The following PDPK1 variants were observed in gnomAD, a reference collection of about 807,000 sequenced individuals.
The protein encoded by PDPK1 is 3-phosphoinositide dependent protein kinase 1, also known as 3-phosphoinositide-dependent protein kinase 1.
Under a neutral mutation model 39.8 loss-of-function variants are expected in PDPK1, and 7 were observed. That is an observed-to-expected ratio of 0.18 (90% CI 0.10 to 0.33). The LOEUF (loss-of-function observed/expected upper bound fraction) is 0.33. PDPK1 is among the 10% of genes least tolerant of loss of function. PDPK1 has a pLI of 1.00. For missense variants in PDPK1, 182 were observed against 384.7 expected, an observed-to-expected ratio of 0.47 and a Z score of 4.41; for synonymous variants, 118 against 159.1, an observed-to-expected ratio of 0.74 and a Z score of 1.95.
In PDPK1 at chr16:2,597,683, C is replaced by T. The variant is rs147843249; in HGVS notation, c.1587C>T (p.Ser529=). Residue 529 remains serine (S), a synonymous_variant, in exon 14 of 14, where the codon AGC becomes AGT. Transcript: ENST00000342085. This position sits in a 1 kb window ranked among gnomAD's most constrained non-coding sequence, Gnocchi z 6.3. The part of the protein sequence containing the change: ...PNRTYYLMDP[S]GNAHKWCRKI... ...GGACGTATTATCTGATGGACCCCAG[C>T]GGGAACGCACACAAGTGGTGCAGGA... is the stretch of plus-strand genomic sequence containing the variant. 4.1e-5 allele frequency: 66 copies of T among 1,613,644 alleles called. No individual in the cohort carries two copies. The highest frequency in any genetic ancestry group is 4.0e-4 in the African/African-American group (30 of 74,934).
intron 10 of PDPK1, among the ~76,000 whole-genome samples, chr16:2,586,272 C>G (rs2066873141): frequency 1.3e-5 from 2 of 152,258 alleles, no homozygotes; most frequent in African/African-American, 2.4e-5. Flanking sequence ...CACGGAGGCC[C>G]TGTCTGCCAG....
Position 2,595,184 on chromosome 16 carries a change from A to G in PDPK1, c.1344-609A>G, listed in dbSNP as rs559413810. Among the ~76,000 whole-genome samples, 5 of 152,330 alleles carry G rather than the reference A, an allele frequency of 3.3e-5. No homozygotes were observed. In the East Asian group the frequency reaches 7.7e-4, roughly 23 times the overall value. ...AGTGACGTGTGCTTGCTAATAATGT[A>G]TATTAAATTAAAGCCTCTATGTGAA... is the stretch of plus-strand genomic sequence containing the variant. On this transcript the variant is annotated intron_variant, in intron 11 of 13. Transcript: ENST00000342085.
At position 2,557,915 on chromosome 16, in the gene PDPK1, T is replaced by G; in HGVS notation, c.237T>G (p.Pro79=). ...CGCCGCAGCCTCGGAAGAAGCGGCC[T>G]GAGGACTTCAAGTTTGGGAAAATCC... The part of the protein sequence containing the change: ...QPPPQPRKKR[P]EDFKFGKILG... Residue 79 remains proline, a synonymous_variant, in exon 2 of 14, where the codon CCT becomes CCG. Coordinates refer to ENST00000342085, the MANE Select transcript of PDPK1 (RefSeq NM_002613.5). 6.2e-7 allele frequency: 1 copy of G among 1,612,304 alleles called. No homozygotes were observed. Among genetic ancestry groups the G allele is most frequent in the Non-Finnish European group, 8.5e-7 (1 of 1,179,732 alleles).
intron 11 of PDPK1, chr16:2,592,584 A>C (rs1294735711): frequency 2.8e-6 from 1 of 355,886 alleles, no homozygotes; most frequent in Non-Finnish European, 5.5e-6. Flanking sequence ...CTGAGACAGG[A>C]GAATCGCTTG....
Position 2,599,448 on chromosome 16 carries a change from C to T in PDPK1, c.*1681C>T, listed in dbSNP as rs2067169293. 4.3e-6 allele frequency: 1 copy of T among 233,206 alleles called. No individual in the cohort carries two copies. The highest frequency in any genetic ancestry group is 2.2e-5 in the African/African-American group (1 of 45,454). 14.4% of individuals were successfully genotyped at this position (233,206 alleles called of 1,614,324 possible). On this transcript the variant is annotated 3_prime_UTR_variant, in exon 14 of 14. Coordinates refer to ENST00000342085, the MANE Select transcript of PDPK1 (RefSeq NM_002613.5). ...GGCCTGGGAGGGGGCAGAGATGTTC[C>T]CCAGGCCCTGCCTGTGGTTCCTGCC...
At chr16:2,547,173 G>C (rs1489753460) in intron 1 of PDPK1, among the ~76,000 whole-genome samples, 1 of 150,008 alleles carries the variant, frequency 6.7e-6, no homozygotes, top group Non-Finnish European at 1.5e-5. Context: ...TAGTGAGCAG[G>C]CTCCCAACTT....
rs2067163804 is a variant in PDPK1, at chr16:2,599,208, C to A, written c.*1441C>A. ...CCCTGCCCAGGTTGTCCCTGGAGGG[C>A]AGCCCTCACTCCCTTTGGGGGAGAG... On this transcript the variant is annotated 3_prime_UTR_variant, in exon 14 of 14. Coordinates refer to ENST00000342085, the MANE Select transcript of PDPK1 (RefSeq NM_002613.5). The A allele has an allele frequency of 2.1e-5, 5 of 233,288 alleles. No homozygotes were observed. The highest frequency in any genetic ancestry group is 4.2e-5 in the Non-Finnish European group (5 of 118,136). The allele number at this position is 233,288 out of a possible 1,614,324, so 14.5% of individuals were successfully genotyped here.
Position 2,595,803 on chromosome 16 carries a change from G to A in PDPK1, c.1354G>A (p.Val452Ile). 2 of 1,613,062 alleles carry A rather than the reference G, an allele frequency of 1.2e-6. No individual in the cohort carries two copies. The highest frequency in any genetic ancestry group is 2.7e-5 in the African/African-American group (2 of 75,030). The change falls in exon 12 of 14, where the codon GTA (valine) becomes ATA (isoleucine). Residue 452 changes from valine to isoleucine, a missense_variant. Around this residue, in one of 5 missense-constraint regions of PDPK1, gnomAD observed 90 missense variants for 111.9 expected, o/e 0.80. Transcript: ENST00000342085. Reference protein sequence around the residue: ...QAGGNPWHQFVENNLILKMGP... With the variant: ...QAGGNPWHQFIENNLILKMGP... ...TGTTTCTTTCCACAGGCACCAGTTTGTAGAAAATAATTTAATACTAAAGAT... is the reference window on the plus strand; with the variant it reads ...TGTTTCTTTCCACAGGCACCAGTTTATAGAAAATAATTTAATACTAAAGAT...
chr16:2,599,659 G>C lies in PDPK1; in HGVS notation c.*1892G>C, dbSNP rs2067174862. On this transcript the variant is annotated 3_prime_UTR_variant, in exon 14 of 14. Coordinates refer to ENST00000342085, the MANE Select transcript of PDPK1 (RefSeq NM_002613.5). ...TCCTGGCTTTTGGAAAGGCTTGGCTGTGTTGGGGAGTCTCTCTTAGCCCTT... is the reference window on the plus strand; with the variant it reads ...TCCTGGCTTTTGGAAAGGCTTGGCTCTGTTGGGGAGTCTCTCTTAGCCCTT... 1 of 233,114 alleles carries C rather than the reference G, an allele frequency of 4.3e-6. No homozygotes were observed. Among genetic ancestry groups the C allele is most frequent in the African/African-American group, 2.2e-5 (1 of 45,360 alleles). The allele number at this position is 233,114 out of a possible 1,614,324, so 14.4% of individuals were successfully genotyped here.
intron 1 of PDPK1, among the ~76,000 whole-genome samples, chr16:2,540,813 G>T (rs1233870492): frequency 1.3e-5 from 2 of 152,198 alleles, no homozygotes; most frequent in Non-Finnish European, 2.9e-5. Flanking sequence ...TTGGAACAAA[G>T]AAACATGTAA....
chr16:2,546,630 T>G (rs1239212210), intron 1 of PDPK1, among the ~76,000 whole-genome samples: 2 of 152,182 alleles, frequency 1.3e-5, no homozygotes, highest in African/African-American at 2.4e-5. Flanking sequence ...GTGCCCGGCC[T>G]TCCTTAGTGG....
Position 2,598,074 on chromosome 16 carries a change from A to C in PDPK1, c.*307A>C. The C allele has an allele frequency of 2.2e-6, 1 of 450,722 alleles. No individual in the cohort carries two copies. Among genetic ancestry groups the C allele is most frequent in the Non-Finnish European group, 4.0e-6 (1 of 248,312 alleles). The allele number at this position is 450,722 out of a possible 1,614,324, so 27.9% of individuals were successfully genotyped here. On this transcript the variant is annotated 3_prime_UTR_variant, in exon 14 of 14. Transcript: ENST00000342085. ...CATGCACGTCAACCCAGTCCCGCCC[A>C]GACTAGTGGACAGACCTGGTGTCAC...
rs202058190 is a variant in PDPK1 at position 2,542,306 on chromosome 16, C to T, written c.24+4170C>T. On this transcript the variant is annotated intron_variant, in intron 1 of 13. Transcript: ENST00000342085. ...TCCCAAGTAGCTGGGATTACAGGTG[C>T]GCACCACCTACATTATTTATTTATT... Among the ~76,000 whole-genome samples, 116 of 152,142 alleles carry T rather than the reference C, an allele frequency of 7.6e-4. 4 individuals carry two copies. The East Asian group carries it at 0.016, about 21-fold the overall frequency.
intron 1 of PDPK1, among the ~76,000 whole-genome samples, chr16:2,552,262 G>C (rs948010818): frequency 8.0e-5 from 12 of 150,132 alleles, no homozygotes; most frequent in Non-Finnish European, 1.6e-4. Flanking sequence ...ATGAGCCACT[G>C]CACCCTGCCT....
In PDPK1 at chr16:2,577,550, T is replaced by G. The variant is rs749142694; in HGVS notation, c.785+50T>G. Reference sequence around the variant, plus strand: ...CTTCCCTTTTCTTTAACACAGAAATTAATATTTGAGAGAGTGAATTTGGTG... The same window carrying G: ...CTTCCCTTTTCTTTAACACAGAAATGAATATTTGAGAGAGTGAATTTGGTG... On this transcript the variant is annotated intron_variant, in intron 7 of 13. Transcript: ENST00000342085. 41 of 1,354,996 alleles carry G rather than the reference T, an allele frequency of 3.0e-5. 2 individuals are homozygous for G. The South Asian group carries it at 5.0e-4, about 16-fold the overall frequency. The allele number at this position is 1,354,996 out of a possible 1,614,324, so 83.9% of individuals were successfully genotyped here.
At chr16:2,551,688 C>T (rs1477255194) in intron 1 of PDPK1, among the ~76,000 whole-genome samples, 16 of 132,720 alleles carry the variant, frequency 1.2e-4, no homozygotes, top group Admixed American at 1.1e-3. Context: ...TGTTTTTAGA[C>T]GGAGTTTCGC....
intron 10 of PDPK1, among the ~76,000 whole-genome samples, chr16:2,584,885 T>A (rs997678153): frequency 1.3e-5 from 2 of 152,200 alleles, no homozygotes; most frequent in Non-Finnish European, 2.9e-5. Context: ...CTCGAGGCCC[T>A]TGCCCCCACC....
At chr16:2,585,532 G>A (rs1296882620) in intron 10 of PDPK1, among the ~76,000 whole-genome samples, 2 of 152,240 alleles carry the variant, frequency 1.3e-5, no homozygotes, top group Non-Finnish European at 2.9e-5. Context: ...GCCAAGGCAG[G>A]AGAGCAGGTG....
intron 10 of PDPK1, among the ~76,000 whole-genome samples, chr16:2,584,788 A>ACT (rs2066829283): frequency 6.6e-6 from 1 of 151,676 alleles, no homozygotes; most frequent in Non-Finnish European, 1.5e-5. Context: ...TTGAGCCCAA[A>ACT]CTCTAAGGGA....
Sources: allele counts gnomAD v4.1 joint callset (sites outside exome capture counted in the v4.1 genomes callset), GRCh38; gene constraint gnomAD v4.1.1; regional missense constraint gnomAD v4.1.1; non-coding constraint Gnocchi (gnomAD v3.1); transcripts MANE v1.5; gene names NCBI Gene and HGNC (gene_info 2026-07-23, HGNC 2026-07-21).